The following CRADD variants were observed in gnomAD, a reference collection of about 807,000 sequenced individuals.
The protein encoded by CRADD is CARD and death domain containing adaptor protein, also known as death domain-containing protein CRADD.
Under a neutral mutation model 15.5 loss-of-function variants are expected in CRADD, and 9 were observed. The ratio of observed to expected loss-of-function variants is 0.58; its 90% CI spans 0.35 to 1.01. The LOEUF (loss-of-function observed/expected upper bound fraction) is 1.01, where lower values mean the gene tolerates loss of function less well. Among genes scored for constraint, CRADD ranks in the 50% least tolerant of loss-of-function variants. The pLI is 0.02. For missense variants in CRADD, 227 were observed against 250.3 expected, an observed-to-expected ratio of 0.91 and a Z score of 0.63; for synonymous variants, 118 against 107.6, an observed-to-expected ratio of 1.10 and a Z score of -0.60.
intron 2 of CRADD, among the ~76,000 whole-genome samples, chr12:93,744,816 A>T (rs1313881950): frequency 6.6e-6 from 1 of 152,230 alleles, no homozygotes; most frequent in Non-Finnish European, 1.5e-5. Flanking sequence ...GTTGCTTTTA[A>T]AACCCAAAGT....
intron 2 of CRADD, among the ~76,000 whole-genome samples, chr12:93,747,917 C>T (rs1400132656): frequency 6.6e-6 from 1 of 152,166 alleles, no homozygotes; most frequent in Non-Finnish European, 1.5e-5. Context: ...GGTAGTTAGA[C>T]CACAGTCTCA....
At chr12:93,815,325 C>T (rs568324688) in intron 2 of CRADD, 112 of 152,306 alleles carry the variant, frequency 7.4e-4, no homozygotes, top group African/African-American at 2.7e-3. Flanking sequence ...TTATAGCAAA[C>T]ACTAATGATG....
intron 2 of CRADD, among the ~76,000 whole-genome samples, chr12:93,717,606 G>A (rs182902918): frequency 1.6e-3 from 245 of 152,120 alleles, no homozygotes; most frequent in African/African-American, 5.0e-3. Context: ...TACAACCTCC[G>A]CCTCCTGGGG....
At chr12:93,779,659 G>C (rs539436902) in intron 2 of CRADD, among the ~76,000 whole-genome samples, 49 of 148,514 alleles carry the variant, frequency 3.3e-4, no homozygotes, top group African/African-American at 1.2e-3. Context: ...GTGCAATCTC[G>C]GCCCACTGCA....
At chr12:93,711,055 C>CCCCTTTTT in intron 2 of CRADD, among the ~76,000 whole-genome samples, 54 of 43,516 alleles carry the variant, frequency 1.2e-3, no homozygotes, top group East Asian at 3.0e-3. Flanking sequence ...CCACCCCCGC[C>CCCCTTTTT]TTTTTTTTTT....
At chr12:93,846,977 C>T (rs1331593028) in intron 2 of CRADD, among the ~76,000 whole-genome samples, 1 of 152,170 alleles carries the variant, frequency 6.6e-6, no homozygotes, top group Non-Finnish European at 1.5e-5. Flanking sequence ...GTAGTAGGCA[C>T]CTGTAGTCCC....
intron 2 of CRADD, among the ~76,000 whole-genome samples, chr12:93,688,020 A>C (rs908972799): frequency 6.6e-6 from 1 of 152,210 alleles, no homozygotes; most frequent in Non-Finnish European, 1.5e-5. Context: ...AGATCAGGTT[A>C]TGTCCAAATG....
intron 2 of CRADD, among the ~76,000 whole-genome samples, chr12:93,885,187 A>G (rs1369305449): frequency 1.3e-5 from 2 of 152,144 alleles, no homozygotes; most frequent in South Asian, 2.1e-4. Context: ...GAAAATCCCA[A>G]CTTTTAAATT....
At chr12:93,802,568 A>T (rs566657074) in intron 2 of CRADD, among the ~76,000 whole-genome samples, 1 of 152,274 alleles carries the variant, frequency 6.6e-6, no homozygotes, top group South Asian at 2.1e-4. Flanking sequence ...TTTCTCATCT[A>T]GTGCAAGCTC....
intron 2 of CRADD, among the ~76,000 whole-genome samples, chr12:93,785,211 C>T (rs772379519): frequency 9.9e-5 from 15 of 151,958 alleles, no homozygotes; most frequent in Non-Finnish European, 1.3e-4. Context: ...GAAGTTTTAT[C>T]ATTTAATTTG....
chr12:93,771,393 T>G (rs1957083920), intron 2 of CRADD, among the ~76,000 whole-genome samples: 1 of 152,252 alleles, frequency 6.6e-6, no homozygotes, highest in Non-Finnish European at 1.5e-5. Context: ...CTAGTTTTCA[T>G]CTGGCCATTT....
At chr12:93,699,391 G>A (rs1280204497) in intron 2 of CRADD, among the ~76,000 whole-genome samples, 2 of 152,140 alleles carry the variant, frequency 1.3e-5, no homozygotes, top group Admixed American at 6.5e-5. Flanking sequence ...ACATTCACAC[G>A]AGGATTTAGT....
chr12:93,806,456 AAAAAAAAAAAAAAAAAC>A (rs1444545726), intron 2 of CRADD, among the ~76,000 whole-genome samples: 1 of 140,584 alleles, frequency 7.1e-6, no homozygotes, highest in African/African-American at 2.7e-5. Context: ...CATCTCAAAA[AAAAAAAAAAAAAAAAAC>A]AAAAAAAAGA....
chr12:93,714,252 A>C (rs1490499106), intron 2 of CRADD, among the ~76,000 whole-genome samples: 3 of 152,232 alleles, frequency 2.0e-5, no homozygotes, highest in Non-Finnish European at 4.4e-5. Context: ...GGTTAAAAGT[A>C]ATGCCTTTCC....
chr12:93,842,211 CA>C (rs1958057342), intron 2 of CRADD, among the ~76,000 whole-genome samples: 1 of 152,196 alleles, frequency 6.6e-6, no homozygotes, highest in Non-Finnish European at 1.5e-5. Context: ...GTGATCACAT[CA>C]TTGAATGCAA....
chr12:93,755,067 G>A (rs1317838982), intron 2 of CRADD, among the ~76,000 whole-genome samples: 1 of 152,102 alleles, frequency 6.6e-6, no homozygotes, highest in East Asian at 1.9e-4. Context: ...ATCTTACAGG[G>A]TGGCAGGCAA....
chr12:93,891,040 C>T (rs1349378703), intron 2 of CRADD, among the ~76,000 whole-genome samples: 5 of 151,874 alleles, frequency 3.3e-5, no homozygotes, highest in African/African-American at 1.2e-4. Flanking sequence ...TGAGCCACCA[C>T]GCCTAGCCCA....
intron 2 of CRADD, among the ~76,000 whole-genome samples, chr12:93,821,619 G>A (rs575427437): frequency 5.9e-5 from 9 of 152,300 alleles, no homozygotes; most frequent in Non-Finnish European, 1.3e-4. Context: ...ATGGTCTGGA[G>A]GGCCAAGATG....
chr12:93,751,972 A>AG (rs1956833421), intron 2 of CRADD, among the ~76,000 whole-genome samples: 2 of 152,200 alleles, frequency 1.3e-5, no homozygotes, highest in Admixed American at 1.3e-4. Context: ...CTCATTTTTC[A>AG]TACTGTAGTT....
Sources: gnomAD v4.1 joint callset for allele counts (sites outside exome capture counted in the v4.1 genomes callset) on GRCh38, gnomAD v4.1.1 for gene constraint, MANE v1.5 for transcripts, NCBI Gene and HGNC (gene_info 2026-07-23, HGNC 2026-07-21) for gene names.